MAGI2: variants seen among roughly 807,000 people sequenced by gnomAD.
MAGI2 encodes membrane-associated guanylate kinase, WW and PDZ domain-containing protein 2.
MAGI2 carries 35 observed loss-of-function variants against 133.3 expected under a neutral mutation model. The ratio of observed to expected loss-of-function variants is 0.26; its 90% CI spans 0.20 to 0.35. The LOEUF is 0.35. Ranked by LOEUF, MAGI2 falls within the 10% of genes least tolerant of loss-of-function variation. The pLI, the probability that MAGI2 is intolerant of heterozygous loss-of-function variation, is 1.00. For missense variants in MAGI2, 1,636 were observed against 1,863.4 expected (o/e 0.88, Z 2.25); for synonymous variants, 729 against 710.6 (o/e 1.03, Z -0.41).
chr7:79,212,395 A>G, intron 1 of MAGI2, among the ~76,000 whole-genome samples: 1 of 152,130 alleles, frequency 6.6e-6, no homozygotes, highest in East Asian at 1.9e-4. Context: ...GACTATGTAC[A>G]TTTTAAAGTT....
chr7:79,392,766 G>A (rs540352595), intron 1 of MAGI2, among the ~76,000 whole-genome samples: 17 of 152,022 alleles, frequency 1.1e-4, no homozygotes, highest in Non-Finnish European at 2.4e-4. Context: ...AACCTTATGA[G>A]GGCCTAATTC....
rs1820821447 is a variant in MAGI2 at position 78,124,874 on chromosome 7, T to C, written c.3567+820A>G. 2.0e-5 allele frequency among the ~76,000 whole-genome samples: 3 copies of C among 151,760 alleles called. No homozygotes were observed. In the South Asian group the frequency reaches 6.3e-4, roughly 32 times the overall value. On this transcript the variant is annotated intron_variant, in intron 20 of 21. Transcript: ENST00000354212. ...TCTAGCTGCTGTCTTTTTTTTTTTT[T>C]TTTCTTGAGACAGATTCTCACTCTG... is the stretch of plus-strand genomic sequence containing the variant.
chr7:78,306,674 G>C (rs1798266603), intron 9 of MAGI2, among the ~76,000 whole-genome samples: 1 of 152,154 alleles, frequency 6.6e-6, no homozygotes, highest in Non-Finnish European at 1.5e-5. Context: ...TGCTGAAATA[G>C]TAAATGATGC....
chr7:79,214,418 T>C (rs1243167159), intron 1 of MAGI2, among the ~76,000 whole-genome samples: 1 of 116,762 alleles, frequency 8.6e-6, no homozygotes, highest in Non-Finnish European at 1.7e-5. Flanking sequence ...TATATATATA[T>C]ATATATATAT....
chr7:78,753,184 A>G lies in MAGI2; in HGVS notation c.419-125945T>C, dbSNP rs768281512. On this transcript the variant is annotated intron_variant, in intron 2 of 21. Coordinates refer to ENST00000354212, the MANE Select transcript of MAGI2 (RefSeq NM_012301.4). ...ATGACCAGTATGATGGAATTAGTTA[A>G]CAGTTATTTTAAGGCAGCTATTATA... is the stretch of plus-strand genomic sequence containing the variant. 3.3e-5 allele frequency among the ~76,000 whole-genome samples: 5 copies of G among 152,338 alleles called. 1 individual carries two copies. The Middle Eastern group carries it at 0.01, about 311-fold the overall frequency.
chr7:79,289,368 T>TTTTCTATGTCCAACA (rs1836278552), intron 1 of MAGI2, among the ~76,000 whole-genome samples: 1 of 152,156 alleles, frequency 6.6e-6, no homozygotes, highest in Non-Finnish European at 1.5e-5. Flanking sequence ...AAGTATGACA[T>TTTTCTATGTCCAACA]TTTCTATGTT....
At chr7:78,555,215 TAGATAGAC>T (rs763233208) in intron 3 of MAGI2, among the ~76,000 whole-genome samples, 6,150 of 119,462 alleles carry the variant, frequency 0.051, 400 homozygotes, top group African/African-American at 0.18. Flanking sequence ...GATAGATAGA[TAGATAGAC>T]AGATAGATAG....
At chr7:78,578,253 C>A (rs1802473521) in intron 3 of MAGI2, among the ~76,000 whole-genome samples, 1 of 151,864 alleles carries the variant, frequency 6.6e-6, no homozygotes, top group Non-Finnish European at 1.5e-5. Context: ...AATGTAAGAA[C>A]CCTATGGAAG....
chr7:78,923,187 C>G (rs1009651348), intron 2 of MAGI2, among the ~76,000 whole-genome samples: 23 of 152,102 alleles, frequency 1.5e-4, no homozygotes, highest in East Asian at 3.9e-4. Flanking sequence ...TGCAGAAGCT[C>G]TTTAGTTTAA....
In MAGI2 at chr7:78,282,525, A is replaced by ACTAT. The variant is rs74347605; in HGVS notation, c.1409-25948_1409-25945dup. Reference sequence around the variant, plus strand: ...GTAGCCCATAAAGCCAAGAATATTTACTATCTATCTATCTATCTTGTCTTT... The same window carrying ACTAT: ...GTAGCCCATAAAGCCAAGAATATTTACTATCTATCTATCTATCTATCTTGTCTTT... On this transcript the variant is annotated intron_variant, in intron 9 of 21. Transcript: ENST00000354212. Among the ~76,000 whole-genome samples, 79 of 152,074 alleles carry ACTAT rather than the reference A, an allele frequency of 5.2e-4. 1 individual carries two copies. Among genetic ancestry groups the ACTAT allele is most frequent in the Admixed American group, 1.9e-3 (29 of 15,234 alleles).
At chr7:78,487,731 G>A (rs1793185533) in intron 6 of MAGI2, among the ~76,000 whole-genome samples, 1 of 152,022 alleles carries the variant, frequency 6.6e-6, no homozygotes, top group Non-Finnish European at 1.5e-5. Context: ...AGCAGAGGAA[G>A]GGCAAATCTT....
At chr7:78,646,917 A>G (rs1223539357) in intron 2 of MAGI2, among the ~76,000 whole-genome samples, 1 of 152,162 alleles carries the variant, frequency 6.6e-6, no homozygotes, top group Non-Finnish European at 1.5e-5. Context: ...TCTCCTTTGT[A>G]TGTTCAACCC....
chr7:79,355,804 C>T (rs566859107), intron 1 of MAGI2, among the ~76,000 whole-genome samples: 2 of 152,278 alleles, frequency 1.3e-5, no homozygotes, highest in East Asian at 1.9e-4. Context: ...ATTAGTTATA[C>T]ATATGATAAA....
intron 1 of MAGI2, among the ~76,000 whole-genome samples, chr7:79,047,512 C>G (rs1261670801): frequency 6.6e-6 from 1 of 151,870 alleles, no homozygotes; most frequent in Non-Finnish European, 1.5e-5. Flanking sequence ...CGAGAAAATG[C>G]CTATATACAA....
chr7:78,523,482 A>T (rs75685535), intron 3 of MAGI2, among the ~76,000 whole-genome samples: 11,255 of 152,048 alleles, frequency 0.074, 556 homozygotes, highest in Non-Finnish European at 0.11. Context: ...CCATCTCAAA[A>T]AAATAAATAA....
At chr7:78,855,572 A>G (rs1563584409) in intron 2 of MAGI2, among the ~76,000 whole-genome samples, 4 of 152,186 alleles carry the variant, frequency 2.6e-5, no homozygotes, top group South Asian at 4.1e-4. Flanking sequence ...TGTCCCTACA[A>G]AGGACATGAA....
At chr7:78,491,963 T>C (rs1319613094) in intron 5 of MAGI2, among the ~76,000 whole-genome samples, 3 of 150,802 alleles carry the variant, frequency 2.0e-5, no homozygotes, top group Non-Finnish European at 4.4e-5. Flanking sequence ...TCTTGGGAAG[T>C]AAGCAAGGAA....
intron 6 of MAGI2, among the ~76,000 whole-genome samples, chr7:78,451,950 A>G (rs1788767961): frequency 6.6e-6 from 1 of 152,106 alleles, no homozygotes; most frequent in Non-Finnish European, 1.5e-5. Flanking sequence ...TTCACAATGG[A>G]GAATCACATC....
chr7:78,126,250 A>G (rs1437418036), intron 19 of MAGI2, among the ~76,000 whole-genome samples: 1 of 151,190 alleles, frequency 6.6e-6, no homozygotes, highest in African/African-American at 2.4e-5. Context: ...GCTGATTAGA[A>G]AAGTAAAATT....
Sources: allele counts gnomAD v4.1 joint callset (sites outside exome capture counted in the v4.1 genomes callset), GRCh38; gene constraint gnomAD v4.1.1; transcripts MANE v1.5; gene names NCBI Gene and HGNC (gene_info 2026-07-23, HGNC 2026-07-21).